The following USP7 variants were observed in gnomAD, a reference collection of about 807,000 sequenced individuals.
USP7 encodes the protein ubiquitin C-terminal hydrolase 7.
In USP7, 9 loss-of-function variants were observed where a neutral mutation model predicts 162.9. The observed-to-expected ratio is 0.06, with a 90% CI of 0.03 to 0.10. The LOEUF is 0.10. Ranked by LOEUF, USP7 falls within the 10% of genes least tolerant of loss-of-function variation. The pLI, the probability that USP7 is intolerant of heterozygous loss-of-function variation, is 1.00. For synonymous variants in USP7, 562 were observed against 475.9 expected, an observed-to-expected ratio of 1.18 and a Z score of -2.35; for missense variants, 715 against 1,373.7, an observed-to-expected ratio of 0.52 and a Z score of 7.58.
chr16:8,911,493 C>T (rs1278199820), intron 10 of USP7, among the ~76,000 whole-genome samples: 2 of 152,210 alleles, frequency 1.3e-5, no homozygotes, highest in East Asian at 1.9e-4. Flanking sequence ...GAGAGCTCGT[C>T]CTGCTCCGGT....
At chr16:8,926,149 G>A (rs565518342) in intron 2 of USP7, among the ~76,000 whole-genome samples, 24 of 95,736 alleles carry the variant, frequency 2.5e-4, no homozygotes, top group Middle Eastern at 6.9e-3. Context: ...GCGAGACTCC[G>A]TCTCAAAAAA....
chr16:8,922,064 A>G (rs1027624180), intron 3 of USP7, among the ~76,000 whole-genome samples: 31 of 152,228 alleles, frequency 2.0e-4, no homozygotes, highest in African/African-American at 6.8e-4. Flanking sequence ...TTCAGGCTAA[A>G]GTTGTCCATC....
Position 8,895,714 on chromosome 16 carries a change from G to A in USP7, c.2847C>T (p.Ile949=). The A allele has an allele frequency of 6.2e-7, 1 of 1,612,304 alleles. No individual in the cohort carries two copies. The highest frequency in any genetic ancestry group is 8.5e-7 in the Non-Finnish European group (1 of 1,179,600). ...GTTCATCTTCTTGATGAACACCAAT[G>A]ATTTTGTAGCTTACAATTTCTAGCA... ...LRLLEIVSYK[I]IGVHQEDELL... Residue 949 remains isoleucine, a synonymous_variant, in exon 27 of 31, where the codon ATC becomes ATT. Coordinates refer to ENST00000344836, the MANE Select transcript of USP7 (RefSeq NM_003470.3).
chr16:8,944,977 C>G (rs562260994), intron 1 of USP7, among the ~76,000 whole-genome samples: 1 of 152,100 alleles, frequency 6.6e-6, no homozygotes, highest in African/African-American at 2.4e-5. Flanking sequence ...GTGGACCGGG[C>G]GCAGTGGCTC....
chr16:8,946,006 A>G (rs1252985985), intron 1 of USP7, among the ~76,000 whole-genome samples: 1 of 152,236 alleles, frequency 6.6e-6, no homozygotes, highest in Non-Finnish European at 1.5e-5. Context: ...GGAGAATGGA[A>G]GAGTCCAGAA....
intron 19 of USP7, 37 bp from the exon 20 acceptor site, chr16:8,901,094 A>C: frequency 6.2e-7 from 1 of 1,613,684 alleles, no homozygotes; most frequent in South Asian, 1.1e-5. Context: ...TGTAGCTGTA[A>C]TGTACTGAGC....
rs542549309 is a variant in USP7, at chr16:8,961,653, G to A, written c.79+1554C>T. 2.5e-4 allele frequency among the ~76,000 whole-genome samples: 38 copies of A among 152,248 alleles called. 1 individual carries two copies. In the South Asian group the frequency reaches 7.9e-3, roughly 32 times the overall value. On this transcript the variant is annotated intron_variant, in intron 1 of 30. Coordinates refer to ENST00000344836, the MANE Select transcript of USP7 (RefSeq NM_003470.3). Reference sequence around the variant, plus strand: ...CTGGAAAGCGGTAGGACAATGTCATGGGAAATCCATATGCTCGTGTTATTG... The same window carrying A: ...CTGGAAAGCGGTAGGACAATGTCATAGGAAATCCATATGCTCGTGTTATTG...
At chr16:8,899,010 G>GC in intron 23 of USP7, 111 bp downstream of exon 23, 2 of 1,130,106 alleles carry the variant, frequency 1.8e-6, no homozygotes, top group East Asian at 2.4e-5. Context: ...GCAAGAAATG[G>GC]ACTGTCAGGT....
At chr16:8,939,732 A>C (rs1220403873) in intron 1 of USP7, among the ~76,000 whole-genome samples, 1 of 152,212 alleles carries the variant, frequency 6.6e-6, no homozygotes, top group African/African-American at 2.4e-5. Context: ...GAAAACACAT[A>C]TACTATTCAC....
intron 4 of USP7, 63 bp downstream of exon 4, chr16:8,921,094 A>T (rs1458808524): frequency 2.3e-5 from 35 of 1,527,836 alleles, no homozygotes; most frequent in Non-Finnish European, 3.0e-5. Flanking sequence ...GAAAAATCAA[A>T]AAGTTAAGGG....
intron 22 of USP7, 33 bp from the exon 23 acceptor site, chr16:8,899,221 G>T: frequency 1.2e-6 from 2 of 1,609,620 alleles, no homozygotes; most frequent in East Asian, 4.5e-5. Context: ...CACATTTTGG[G>T]GAAAAATTGA....
rs1165035753 is a variant in USP7 at position 8,963,700 on chromosome 16, G to C, written c.-415C>G. 1.4e-5 allele frequency among the ~76,000 whole-genome samples: 2 copies of C among 142,918 alleles called. No homozygotes were observed. Among genetic ancestry groups the C allele is most frequent in the Non-Finnish European group, 3.1e-5 (2 of 64,654 alleles). 93.8% of individuals were successfully genotyped at this position (142,918 alleles called of 152,430 possible). ...GAGTCAGCCCCGCCTCGGGCCGGGCGCGGCGGACGGGAGGCCTGGCCGGCC... is the reference window on the plus strand; with the variant it reads ...GAGTCAGCCCCGCCTCGGGCCGGGCCCGGCGGACGGGAGGCCTGGCCGGCC... On this transcript the variant is annotated 5_prime_UTR_variant, in exon 1 of 31. Coordinates refer to ENST00000344836, the MANE Select transcript of USP7 (RefSeq NM_003470.3).
rs2061671997 is a variant in USP7, at chr16:8,895,795, A to T, written c.2820-54T>A. On this transcript the variant is annotated intron_variant, in intron 26 of 30. Transcript: ENST00000344836. ...AAAATGAAGTATATATATTCACATAAAAATAAAATGGTTTTCTAGAAAGAA... is the reference window on the plus strand; with the variant it reads ...AAAATGAAGTATATATATTCACATATAAATAAAATGGTTTTCTAGAAAGAA... 3 of 1,243,812 alleles carry T rather than the reference A, an allele frequency of 2.4e-6. No individual in the cohort carries two copies. The South Asian group carries it at 4.0e-5, about 17-fold the overall frequency. 77.0% of individuals were successfully genotyped at this position (1,243,812 alleles called of 1,614,324 possible).
At position 8,922,980 on chromosome 16, in the gene USP7, G is replaced by A. The variant is rs577716891; in HGVS notation, c.383+235C>T. On this transcript the variant is annotated intron_variant, in intron 3 of 30. Coordinates refer to ENST00000344836, the MANE Select transcript of USP7 (RefSeq NM_003470.3). ...GCTCAATGGTCAGCTAATCCAGGCC[G>A]GCCCTGATTCCATGGGCTGGTAGAT... 6.6e-5 allele frequency among the ~76,000 whole-genome samples: 10 copies of A among 152,282 alleles called. No homozygotes were observed. In the South Asian group the frequency reaches 1.9e-3, roughly 28 times the overall value.
At chr16:8,920,949 G>T (rs571001866) in intron 4 of USP7, among the ~76,000 whole-genome samples, 1 of 152,324 alleles carries the variant, frequency 6.6e-6, no homozygotes, top group South Asian at 2.1e-4. Flanking sequence ...CCCTTTGAAT[G>T]TCTGACTAAA....
chr16:8,944,850 G>C (rs1301864264), intron 1 of USP7, among the ~76,000 whole-genome samples: 1 of 152,092 alleles, frequency 6.6e-6, no homozygotes, highest in Non-Finnish European at 1.5e-5. Flanking sequence ...TCATGCCTGT[G>C]ATCCCAGCAC....
At chr16:8,910,199 C>G (rs979073777) in intron 11 of USP7, among the ~76,000 whole-genome samples, 109 of 152,060 alleles carry the variant, frequency 7.2e-4, no homozygotes, top group African/African-American at 2.5e-3. Flanking sequence ...CCAGCCAGAC[C>G]AGCAGCCAGA....
chr16:8,940,127 T>C lies in USP7; in HGVS notation c.80-9730A>G, dbSNP rs80043052. On this transcript the variant is annotated intron_variant, in intron 1 of 30. Coordinates refer to ENST00000344836, the MANE Select transcript of USP7 (RefSeq NM_003470.3). ...AAAAAAAGGCTGTTTCCATCCAGGTTTTTCCTGTATTTTTGTGACTCCAAA... is the reference window on the plus strand; with the variant it reads ...AAAAAAAGGCTGTTTCCATCCAGGTCTTTCCTGTATTTTTGTGACTCCAAA... Among the ~76,000 whole-genome samples the C allele has an allele frequency of 6.7e-3, 1,012 of 152,100 alleles. 10 individuals carry two copies. The highest frequency in any genetic ancestry group is 0.023 in the African/African-American group (971 of 41,500).
At chr16:8,894,477 C>A in intron 30 of USP7, 73 bp downstream of exon 30, 1 of 1,482,474 alleles carries the variant, frequency 6.7e-7, no homozygotes. Flanking sequence ...CTGGGGCTGC[C>A]CCTCCCAGCC....
Sources: gnomAD v4.1 joint callset for allele counts (sites outside exome capture counted in the v4.1 genomes callset) on GRCh38, gnomAD v4.1.1 for gene constraint, MANE v1.5 for transcripts, NCBI Gene and HGNC (gene_info 2026-07-23, HGNC 2026-07-21) for gene names.